Variants in GALNT14 observed in about 807,000 individuals in gnomAD.
The protein encoded by GALNT14 is UDP-GalNAc:polypeptide N-acetylgalactosaminyltransferase 14.
GALNT14 carries 60 observed loss-of-function variants against 77.5 expected under a neutral mutation model. The ratio of observed to expected loss-of-function variants is 0.77; its 90% confidence interval spans 0.63 to 0.96. The LOEUF is 0.96. Among genes scored for constraint, GALNT14 ranks in the 40% least tolerant of loss-of-function variants. The pLI is 0.00. For missense variants in GALNT14, 710 were observed against 731.0 expected (o/e 0.97, Z 0.33); for synonymous variants, 280 against 281.7 (o/e 0.99, Z 0.06).
intron 1 of GALNT14, among the ~76,000 whole-genome samples, chr2:31,073,426 G>A (rs1675549458): frequency 6.6e-6 from 1 of 151,894 alleles, no homozygotes; most frequent in South Asian, 2.1e-4. Context: ...TGGAAGAGAT[G>A]GACATATCAG....
chr2:31,021,661 A>G (rs934563753), intron 1 of GALNT14, among the ~76,000 whole-genome samples: 2 of 152,186 alleles, frequency 1.3e-5, no homozygotes, highest in East Asian at 3.8e-4. Flanking sequence ...ATTTGCTTGC[A>G]TGCTCTCTAT....
intron 1 of GALNT14, among the ~76,000 whole-genome samples, chr2:31,037,112 T>A (rs1672783739): frequency 6.6e-6 from 1 of 152,212 alleles, no homozygotes; most frequent in Non-Finnish European, 1.5e-5. Flanking sequence ...ATTATGCATA[T>A]GTTGGCATGC....
At chr2:31,074,833 T>C (rs964215225) in intron 1 of GALNT14, among the ~76,000 whole-genome samples, 3 of 152,048 alleles carry the variant, frequency 2.0e-5, no homozygotes, top group African/African-American at 7.2e-5. Context: ...CTCTCTTGAC[T>C]CAGACTGTAA....
downstream of GALNT14, among the ~76,000 whole-genome samples, chr2:30,905,844 C>T (rs1219840348): frequency 2.6e-4 from 39 of 151,884 alleles, no homozygotes; most frequent in African/African-American, 9.4e-4. Flanking sequence ...GGAAGCCCAT[C>T]AGACTAACAG....
intron 1 of GALNT14, among the ~76,000 whole-genome samples, chr2:31,042,211 T>C (rs567280151): frequency 9.2e-5 from 14 of 152,338 alleles, no homozygotes; most frequent in African/African-American, 3.4e-4. Context: ...GTACTTTAAA[T>C]AGTTAGCTCC....
Position 31,138,348 on chromosome 2 carries a change from G to T in GALNT14, c.-262C>A. 1 of 462,466 alleles carries T rather than the reference G, an allele frequency of 2.2e-6. No individual in the cohort carries two copies. Among genetic ancestry groups the T allele is most frequent in the Non-Finnish European group, 3.8e-6 (1 of 262,312 alleles). The allele number at this position is 462,466 out of a possible 1,614,324, so 28.6% of individuals were successfully genotyped here. On this transcript the variant is annotated 5_prime_UTR_variant, in exon 1 of 15. Coordinates refer to ENST00000349752, the MANE Select transcript of GALNT14 (RefSeq NM_024572.4). ...AAGCTGGACGCCCGCTCCAGCGGGAGAAGCGCGGTGGCTGCCGAGATGTTC... is the reference window on the plus strand; with the variant it reads ...AAGCTGGACGCCCGCTCCAGCGGGATAAGCGCGGTGGCTGCCGAGATGTTC...
chr2:31,100,702 TAAA>T (rs35213261), intron 1 of GALNT14, among the ~76,000 whole-genome samples: 147 of 149,344 alleles, frequency 9.8e-4, no homozygotes, highest in East Asian at 7.8e-3. Flanking sequence ...TTTAGCCTGT[TAAA>T]AAAAAAAAAA....
intron 1 of GALNT14, among the ~76,000 whole-genome samples, chr2:31,082,010 T>C (rs1294194759): frequency 6.6e-6 from 1 of 152,224 alleles, no homozygotes; most frequent in Non-Finnish European, 1.5e-5. Flanking sequence ...TAAAAAGAGT[T>C]GTGTTGCCTA....
At chr2:31,064,578 T>C (rs1266559164) in intron 1 of GALNT14, among the ~76,000 whole-genome samples, 1 of 152,222 alleles carries the variant, frequency 6.6e-6, no homozygotes, top group Non-Finnish European at 1.5e-5. Flanking sequence ...ATTCCATTTA[T>C]AGAATACCCA....
chr2:31,107,624 C>T (rs1185677245), intron 1 of GALNT14, among the ~76,000 whole-genome samples: 3 of 152,186 alleles, frequency 2.0e-5, no homozygotes, highest in Non-Finnish European at 4.4e-5. Context: ...TTTGCCTATT[C>T]CACTGATTCA....
chr2:31,050,762 A>G (rs1311422477), intron 1 of GALNT14, among the ~76,000 whole-genome samples: 1 of 120,458 alleles, frequency 8.3e-6, no homozygotes, highest in Non-Finnish European at 1.7e-5. Flanking sequence ...ATTATAAAGC[A>G]AAAAGTTTTT....
At chr2:30,940,077 G>A (rs1045201668) in intron 9 of GALNT14, among the ~76,000 whole-genome samples, 1 of 152,036 alleles carries the variant, frequency 6.6e-6, no homozygotes, top group Non-Finnish European at 1.5e-5. Context: ...GTTGGGGTGG[G>A]ATAAAATGAA....
At chr2:30,970,713 G>T (rs891748786) in intron 2 of GALNT14, among the ~76,000 whole-genome samples, 1 of 152,084 alleles carries the variant, frequency 6.6e-6, no homozygotes, top group Non-Finnish European at 1.5e-5. Flanking sequence ...GCAGAGTAAA[G>T]AACAGGGCTG....
At chr2:30,905,721 A>C (rs1262378353), downstream of GALNT14, among the ~76,000 whole-genome samples, 1 of 149,360 alleles carries the variant, frequency 6.7e-6, no homozygotes, top group East Asian at 2.0e-4. Flanking sequence ...CGCCACAAAG[A>C]TACTCCTCGA....
intron 2 of GALNT14, among the ~76,000 whole-genome samples, chr2:30,977,789 T>C (rs1668726763): frequency 6.6e-6 from 1 of 152,082 alleles, no homozygotes; most frequent in South Asian, 2.1e-4. Flanking sequence ...AGGCTTCCCA[T>C]ACCTTCCTGC....
intron 1 of GALNT14, among the ~76,000 whole-genome samples, chr2:31,133,538 C>G (rs1037812577): frequency 1.3e-5 from 2 of 152,186 alleles, no homozygotes; most frequent in African/African-American, 4.8e-5. Flanking sequence ...TTATTCAAAG[C>G]CTTTACATTT....
intron 8 of GALNT14, 96 bp from the exon 9 acceptor site, chr2:30,942,400 TTTG>T: frequency 1.1e-6 from 1 of 879,818 alleles, no homozygotes; most frequent in Non-Finnish European, 1.8e-6. Flanking sequence ...CCATTTCCCA[TTTG>T]GGGAAAGAAA....
At chr2:31,002,429 C>CAA (rs35948358) in intron 1 of GALNT14, among the ~76,000 whole-genome samples, 75 of 143,528 alleles carry the variant, frequency 5.2e-4, no homozygotes, top group African/African-American at 1.7e-3. Context: ...GACTCCATTT[C>CAA]AAAAAAAAAA....
At chr2:31,053,927 A>C (rs1674055019) in intron 1 of GALNT14, among the ~76,000 whole-genome samples, 1 of 152,200 alleles carries the variant, frequency 6.6e-6, no homozygotes, top group Non-Finnish European at 1.5e-5. Context: ...CACACCCTTG[A>C]GCCCCTGCCA....
Sources: gnomAD v4.1 joint callset for allele counts (sites outside exome capture counted in the v4.1 genomes callset) on GRCh38, gnomAD v4.1.1 for gene constraint, MANE v1.5 for transcripts, NCBI Gene and HGNC (gene_info 2026-07-23, HGNC 2026-07-21) for gene names.